RBFOX1: variants seen among roughly 807,000 people sequenced by gnomAD.
The protein encoded by RBFOX1 is RNA binding fox-1 homolog 1, also known as RNA binding protein fox-1 homolog 1.
RBFOX1 carries 8 observed loss-of-function variants against 57.7 expected under a neutral mutation model. That is an observed-to-expected ratio of 0.14 (90% confidence interval 0.08 to 0.25). The LOEUF is 0.25. RBFOX1 is among the 10% of genes least tolerant of loss of function. RBFOX1 has a pLI of 1.00. For missense variants in RBFOX1, 611 were observed against 548.5 expected (o/e 1.11, Z -1.14); for synonymous variants, 326 against 222.4 (o/e 1.47, Z -4.15).
chr16:5,768,250 T>C (rs1040177759), intron 3 of RBFOX1, among the ~76,000 whole-genome samples: 17 of 152,234 alleles, frequency 1.1e-4, no homozygotes, highest in African/African-American at 4.1e-4. Flanking sequence ...GAACCCATTT[T>C]GGTAGAGGCA....
At chr16:5,803,614 A>G (rs977098928) in intron 3 of RBFOX1, among the ~76,000 whole-genome samples, 2 of 152,194 alleles carry the variant, frequency 1.3e-5, no homozygotes, top group African/African-American at 4.8e-5. Flanking sequence ...GCATTCATTA[A>G]GAACTTGATG....
intron 4 of RBFOX1, among the ~76,000 whole-genome samples, chr16:7,506,441 A>G (rs1446224002): frequency 6.6e-6 from 1 of 152,108 alleles, no homozygotes; most frequent in African/African-American, 2.4e-5. Context: ...AAATGAGGTA[A>G]TGTAGGCAAA....
At chr16:6,898,829 GTGTA>G (rs1234447823) in intron 3 of RBFOX1, among the ~76,000 whole-genome samples, 3 of 151,530 alleles carry the variant, frequency 2.0e-5, no homozygotes, top group Non-Finnish European at 4.4e-5. Flanking sequence ...TAATACATGT[GTGTA>G]TGTGTGTGCA....
intron 4 of RBFOX1, among the ~76,000 whole-genome samples, chr16:7,459,572 A>G (rs2059168398): frequency 6.6e-6 from 1 of 152,204 alleles, no homozygotes; most frequent in East Asian, 1.9e-4. Context: ...TTAATTGGAA[A>G]AGTTACAGAT....
intron 4 of RBFOX1, among the ~76,000 whole-genome samples, chr16:7,327,742 G>C (rs1226144577): frequency 6.6e-6 from 1 of 152,074 alleles, no homozygotes; most frequent in Non-Finnish European, 1.5e-5. Context: ...AACATGCCTA[G>C]ATCTTCCAGT....
At chr16:5,287,500 T>C (rs940449461) in intron 1 of RBFOX1, among the ~76,000 whole-genome samples, 1 of 152,180 alleles carries the variant, frequency 6.6e-6, no homozygotes, top group Admixed American at 6.5e-5. Flanking sequence ...CTTGTATCCG[T>C]TAGTTGTTGT....
chr16:7,318,164 G>A (rs1481895627), intron 4 of RBFOX1, among the ~76,000 whole-genome samples: 1 of 151,914 alleles, frequency 6.6e-6, no homozygotes, highest in Non-Finnish European at 1.5e-5. Context: ...TGGTAGTGAC[G>A]GTGGTAATGA....
intron 3 of RBFOX1, among the ~76,000 whole-genome samples, chr16:6,740,431 T>C (rs1003637725): frequency 5.3e-5 from 8 of 152,056 alleles, no homozygotes; most frequent in Non-Finnish European, 1.0e-4. Context: ...GGCATACAGA[T>C]TAAAATAAAG....
intron 1 of RBFOX1, among the ~76,000 whole-genome samples, chr16:6,200,088 C>T (rs1039867479): frequency 6.6e-6 from 1 of 152,124 alleles, no homozygotes; most frequent in Non-Finnish European, 1.5e-5. Flanking sequence ...CAGTAAGCTT[C>T]TGCAAGGACC....
At chr16:6,971,131 C>T (rs2085441141) in intron 3 of RBFOX1, among the ~76,000 whole-genome samples, 1 of 152,128 alleles carries the variant, frequency 6.6e-6, no homozygotes, top group Non-Finnish European at 1.5e-5. Context: ...AGACATTTGA[C>T]AATTGAGTGG....
chr16:5,680,389 G>A (rs902525928), intron 3 of RBFOX1, among the ~76,000 whole-genome samples: 1 of 152,100 alleles, frequency 6.6e-6, no homozygotes, highest in Non-Finnish European at 1.5e-5. Flanking sequence ...CTCTTTTCAC[G>A]GATATGGATC....
At chr16:5,297,386 G>A (rs1015529459) in intron 1 of RBFOX1, among the ~76,000 whole-genome samples, 5 of 152,122 alleles carry the variant, frequency 3.3e-5, no homozygotes, top group Non-Finnish European at 7.4e-5. Context: ...GCATTCTCTT[G>A]CATCCTCACC....
At position 5,371,710 on chromosome 16, in the gene RBFOX1, C is replaced by A. The variant is rs1164986922; in HGVS notation, c.220-95506C>A. Among the ~76,000 whole-genome samples, 3 of 152,174 alleles carry A rather than the reference C, an allele frequency of 2.0e-5. No homozygotes were observed. In the East Asian group the frequency reaches 5.8e-4, roughly 29 times the overall value. ...GAGGGAATGAAGGCTTGGTAATAAG[C>A]CCTGCTGGCCATGTGGTGAGGGTGA... On this transcript the variant is annotated intron_variant, in intron 1 of 2. Transcript: ENST00000585867.
intron 4 of RBFOX1, among the ~76,000 whole-genome samples, chr16:7,369,054 G>C (rs186412911): frequency 3.9e-5 from 6 of 152,174 alleles, no homozygotes; most frequent in Admixed American, 3.3e-4. Flanking sequence ...CATGGTGGTG[G>C]TAGAAGTCGT....
chr16:6,198,805 A>G (rs1464378779), intron 1 of RBFOX1, among the ~76,000 whole-genome samples: 4 of 152,114 alleles, frequency 2.6e-5, no homozygotes, highest in Admixed American at 2.0e-4. Context: ...TACTAATATA[A>G]ACAAAATTAT....
chr16:6,210,352 AAAAAACAC>A (rs2097286570), intron 1 of RBFOX1, among the ~76,000 whole-genome samples: 1 of 96,378 alleles, frequency 1.0e-5, no homozygotes, highest in Admixed American at 1.2e-4. Context: ...AAACAAAAAA[AAAAAACAC>A]CAAAAAAAAA....
chr16:6,860,108 A>G lies in RBFOX1; in HGVS notation c.-15-191949A>G, dbSNP rs574354304. On this transcript the variant is annotated intron_variant, in intron 3 of 15. Transcript: ENST00000550418. Reference sequence around the variant, plus strand: ...ATTGTGTACTATTTTTCCTCTTCCAATGAATAGCTGTGCGCTAGCTGTTCA... The same window carrying G: ...ATTGTGTACTATTTTTCCTCTTCCAGTGAATAGCTGTGCGCTAGCTGTTCA... Among the ~76,000 whole-genome samples the G allele has an allele frequency of 5.3e-5, 8 of 152,300 alleles. No individual in the cohort carries two copies. In the South Asian group the frequency reaches 1.0e-3, roughly 20 times the overall value.
At chr16:6,559,980 C>G (rs2097158256) in intron 2 of RBFOX1, among the ~76,000 whole-genome samples, 1 of 152,076 alleles carries the variant, frequency 6.6e-6, no homozygotes, top group South Asian at 2.1e-4. Flanking sequence ...AGACTTTTGT[C>G]ACAGGCCATT....
intron 4 of RBFOX1, among the ~76,000 whole-genome samples, chr16:7,157,792 T>A (rs1000118270): frequency 6.6e-6 from 1 of 152,144 alleles, no homozygotes; most frequent in African/African-American, 2.4e-5. Flanking sequence ...GAAATTGGAT[T>A]TACATGTTTT....
Sources: gnomAD v4.1 joint callset for allele counts (sites outside exome capture counted in the v4.1 genomes callset) on GRCh38, gnomAD v4.1.1 for gene constraint, MANE v1.5 for transcripts, NCBI Gene and HGNC (gene_info 2026-07-23, HGNC 2026-07-21) for gene names.